NRXN3: variants seen among roughly 807,000 people sequenced by gnomAD.
NRXN3 encodes the protein neurexin 3.
NRXN3 carries 32 observed loss-of-function variants against 137.6 expected under a neutral mutation model. That is an observed-to-expected ratio of 0.23 (90% CI 0.18 to 0.31). The LOEUF (loss-of-function observed/expected upper bound fraction) is 0.31, where lower values mean the gene tolerates loss of function less well. Ranked by LOEUF, NRXN3 falls within the 10% of genes least tolerant of loss-of-function variation. The probability of loss-of-function intolerance (pLI) is 1.00; values close to 1 mark genes in which losing one functional copy is unlikely to be tolerated. For synonymous variants in NRXN3, 798 were observed against 784.5 expected, an observed-to-expected ratio of 1.02 and a Z score of -0.29; for missense variants, 1,574 against 2,062.5, an observed-to-expected ratio of 0.76 and a Z score of 4.59.
intron 19 of NRXN3, among the ~76,000 whole-genome samples, chr14:79,720,598 G>A (rs904262758): frequency 1.3e-5 from 2 of 152,020 alleles, no homozygotes. Context: ...GTGCTGCTAT[G>A]CAATCTATAA....
At chr14:79,124,638 A>G (rs1165479415) in intron 15 of NRXN3, among the ~76,000 whole-genome samples, 3 of 152,208 alleles carry the variant, frequency 2.0e-5, no homozygotes, top group African/African-American at 7.2e-5. Context: ...TAATAAACAC[A>G]CAGTGGGACT....
Position 78,246,305 on chromosome 14 carries a change from G to A in NRXN3, c.709+2503G>A, listed in dbSNP as rs577755236. On this transcript the variant is annotated intron_variant, in intron 2 of 20. Transcript: ENST00000335750. ...TTTGTGTGTGTTCCAGCTCCCAGTG[G>A]AATTTCTTCAGAGCAGATTGTGTGC... Among the ~76,000 whole-genome samples, 12 of 152,216 alleles carry A rather than the reference G, an allele frequency of 7.9e-5. No individual in the cohort carries two copies. In the South Asian group the frequency reaches 1.9e-3, roughly 24 times the overall value.
intron 10 of NRXN3, among the ~76,000 whole-genome samples, chr14:78,872,811 C>G (rs1432188870): frequency 6.6e-6 from 1 of 152,068 alleles, no homozygotes; most frequent in Admixed American, 6.6e-5. Flanking sequence ...ATCTTCATAA[C>G]AGAGGAGAAA....
At chr14:78,756,214 G>A (rs2098667530) in intron 8 of NRXN3, among the ~76,000 whole-genome samples, 1 of 152,154 alleles carries the variant, frequency 6.6e-6, no homozygotes, top group Non-Finnish European at 1.5e-5. Flanking sequence ...CTAGCCGGGT[G>A]CGGTGGCTCA....
At chr14:78,437,844 T>G (rs72681549) in intron 4 of NRXN3, among the ~76,000 whole-genome samples, 26,433 of 152,052 alleles carry the variant, frequency 0.17, 3,966 homozygotes, top group African/African-American at 0.4. Flanking sequence ...TAACTAATAA[T>G]AAATCAATTA....
intron 4 of NRXN3, among the ~76,000 whole-genome samples, chr14:78,521,726 A>G (rs187088654): frequency 2.6e-5 from 4 of 152,320 alleles, no homozygotes; most frequent in Admixed American, 1.3e-4. Context: ...AAATACCACA[A>G]TGATATATAA....
chr14:78,237,914 T>C lies in NRXN3; in HGVS notation c.-703-4477T>C, dbSNP rs538148079. ...TAAGCCCCACCTGGGGACTGTGGGATGCCCGCAAAGGCTGGGCACAAGGAC... is the reference window on the plus strand; with the variant it reads ...TAAGCCCCACCTGGGGACTGTGGGACGCCCGCAAAGGCTGGGCACAAGGAC... On this transcript the variant is annotated intron_variant, in intron 1 of 20. Transcript: ENST00000335750. 3.3e-5 allele frequency among the ~76,000 whole-genome samples: 5 copies of C among 152,312 alleles called. No homozygotes were observed. In the South Asian group the frequency reaches 1.0e-3, roughly 32 times the overall value.
intron 19 of NRXN3, among the ~76,000 whole-genome samples, chr14:79,721,612 C>A (rs191264864): frequency 3.9e-4 from 60 of 152,146 alleles, no homozygotes; most frequent in South Asian, 3.3e-3. Context: ...GAGCTAAATA[C>A]GTATAGGTTG....
chr14:78,876,265 G>T (rs935710301), intron 10 of NRXN3, among the ~76,000 whole-genome samples: 1 of 152,164 alleles, frequency 6.6e-6, no homozygotes, highest in African/African-American at 2.4e-5. Flanking sequence ...AGAGAAGGGA[G>T]AAAAATGGAA....
intron 19 of NRXN3, among the ~76,000 whole-genome samples, chr14:79,750,078 G>T (rs2098992473): frequency 6.6e-6 from 1 of 152,116 alleles, no homozygotes; most frequent in Non-Finnish European, 1.5e-5. Context: ...GACTGAAGAA[G>T]TCCTAGCCCT....
In NRXN3 at chr14:78,842,262, G is replaced by A. The variant is rs372868323; in HGVS notation, c.2275+31918G>A. ...CACATAGGTTCTTTTCTATTTTCCCGAAGTGTTGGCAGGTCTGAGAAATAA... is the reference window on the plus strand; with the variant it reads ...CACATAGGTTCTTTTCTATTTTCCCAAAGTGTTGGCAGGTCTGAGAAATAA... On this transcript the variant is annotated intron_variant, in intron 10 of 20. Transcript: ENST00000335750. Among the ~76,000 whole-genome samples, 37 of 152,054 alleles carry A rather than the reference G, an allele frequency of 2.4e-4. No individual in the cohort carries two copies. The East Asian group carries it at 3.9e-3, about 16-fold the overall frequency.
intron 19 of NRXN3, among the ~76,000 whole-genome samples, chr14:79,783,212 G>A (rs1755914758): frequency 6.6e-6 from 1 of 152,148 alleles, no homozygotes; most frequent in Admixed American, 6.5e-5. Flanking sequence ...TATTTAAACA[G>A]CACTGACTGA....
intron 4 of NRXN3, among the ~76,000 whole-genome samples, chr14:78,401,528 C>T (rs2092059543): frequency 6.6e-6 from 1 of 152,054 alleles, no homozygotes; most frequent in Admixed American, 6.6e-5. Context: ...GGTGGAAAAG[C>T]AAAAAGGCCT....
intron 16 of NRXN3, among the ~76,000 whole-genome samples, chr14:79,473,000 T>A (rs1300617947): frequency 1.3e-5 from 2 of 152,174 alleles, no homozygotes; most frequent in Admixed American, 1.3e-4. Flanking sequence ...TTACAGTAAA[T>A]CCTCTTGGAT....
At position 78,715,098 on chromosome 14, in the gene NRXN3, A is replaced by G; in HGVS notation, c.2003A>G (p.Asp668Gly). The G allele has an allele frequency of 6.2e-7, 1 of 1,612,494 alleles. No individual in the cohort carries two copies. Among genetic ancestry groups the G allele is most frequent in the Non-Finnish European group, 8.5e-7 (1 of 1,179,706 alleles). ...GACGGCTGGAACCGCTTCATCTGCG[A>G]CTGCACCGGCACCGGATACTGGGGA... Reference protein sequence around the residue: ...CKDGWNRFICDCTGTGYWGRT... With the variant: ...CKDGWNRFICGCTGTGYWGRT... The change falls in exon 8 of 21, where the codon GAC (aspartate) becomes GGC (glycine). Residue 668 changes from aspartate (D) to glycine (G), a missense_variant. Around this residue, in one of 5 missense-constraint regions of NRXN3, gnomAD observed 718 missense variants for 887.6 expected, o/e 0.81. Coordinates refer to ENST00000335750, the MANE Select transcript of NRXN3 (RefSeq NM_001330195.2).
At chr14:79,657,737 A>G (rs957267320) in intron 16 of NRXN3, among the ~76,000 whole-genome samples, 2 of 152,214 alleles carry the variant, frequency 1.3e-5, no homozygotes, top group Admixed American at 1.3e-4. Flanking sequence ...AGTCAAAGTC[A>G]AAATTGATCA....
At chr14:79,768,336 A>C (rs1005788467) in intron 19 of NRXN3, among the ~76,000 whole-genome samples, 1 of 152,198 alleles carries the variant, frequency 6.6e-6, no homozygotes, top group Non-Finnish European at 1.5e-5. Context: ...ACACAAACAA[A>C]AAGACAGCAG....
At chr14:79,282,880 C>T (rs948831024) in intron 15 of NRXN3, among the ~76,000 whole-genome samples, 1 of 152,162 alleles carries the variant, frequency 6.6e-6, no homozygotes, top group Non-Finnish European at 1.5e-5. Flanking sequence ...TAAGTAGACT[C>T]CTTGCATATT....
intron 3 of NRXN3, among the ~76,000 whole-genome samples, chr14:78,281,495 C>T (rs151301331): frequency 5.2e-4 from 79 of 152,266 alleles, no homozygotes; most frequent in African/African-American, 1.9e-3. Flanking sequence ...ACACCTTTCC[C>T]AAGGTCCCAG....
Sources: gnomAD v4.1 joint callset for allele counts (sites outside exome capture counted in the v4.1 genomes callset) on GRCh38, gnomAD v4.1.1 for gene constraint, gnomAD v4.1.1 regional missense constraint, MANE v1.5 for transcripts, NCBI Gene and HGNC (gene_info 2026-07-23, HGNC 2026-07-21) for gene names.